Variants in CCDC47 observed in about 807,000 individuals in gnomAD.
CCDC47 encodes the protein PAT complex subunit CCDC47.
CCDC47 carries 41 observed loss-of-function variants against 60.5 expected under a neutral mutation model. The ratio of observed to expected loss-of-function variants is 0.68; its 90% CI spans 0.53 to 0.88. CCDC47 has a LOEUF of 0.88. CCDC47 is among the 40% of genes least tolerant of loss of function. The pLI is 0.00. For synonymous variants in CCDC47, 195 were observed against 190.7 expected, an observed-to-expected ratio of 1.02 and a Z score of -0.18; for missense variants, 513 against 580.9, an observed-to-expected ratio of 0.88 and a Z score of 1.20.
chr17:63,759,921 G>T (rs2039244432), intron 6 of CCDC47, among the ~76,000 whole-genome samples: 1 of 151,716 alleles, frequency 6.6e-6, no homozygotes, highest in African/African-American at 2.4e-5. Context: ...AAAATTGGCT[G>T]GGAGTGGTGG....
In CCDC47 at chr17:63,761,622, G is replaced by A. The variant is rs557886746; in HGVS notation, c.548-271C>T. ...TGAGGCAGGAGAATAGCTTGAACCC[G>A]GCAGGCGGAGGTTGCAGTGAGCTGA... On this transcript the variant is annotated intron_variant, in intron 4 of 12. Coordinates refer to ENST00000225726, the MANE Select transcript of CCDC47 (RefSeq NM_020198.3). 175 of 234,930 alleles carry A rather than the reference G, an allele frequency of 7.4e-4. 1 individual carries two copies. Among genetic ancestry groups the A allele is most frequent in the South Asian group, 4.8e-3 (54 of 11,346 alleles). 14.6% of individuals were successfully genotyped at this position (234,930 alleles called of 1,614,324 possible).
chr17:63,771,608 T>C (rs2039342254), intron 1 of CCDC47, among the ~76,000 whole-genome samples: 1 of 152,198 alleles, frequency 6.6e-6, no homozygotes, highest in African/African-American at 2.4e-5. Context: ...AACTCTGGAA[T>C]GTATATTTTC....
chr17:63,760,414 C>T (rs1168346856), intron 6 of CCDC47, among the ~76,000 whole-genome samples: 2 of 152,168 alleles, frequency 1.3e-5, no homozygotes, highest in Non-Finnish European at 2.9e-5. Flanking sequence ...CATGAAGGCC[C>T]CCTGACAGTT....
At chr17:63,764,972 T>C in intron 2 of CCDC47, 125 bp from the exon 3 acceptor site, 3 of 1,439,314 alleles carry the variant, frequency 2.1e-6, no homozygotes, top group Non-Finnish European at 2.7e-6. Context: ...AAACAGATGT[T>C]ACATGTTTTT....
chr17:63,764,335 G>T, intron 3 of CCDC47, 145 bp from the exon 4 acceptor site: 1 of 629,804 alleles, frequency 1.6e-6, no homozygotes, highest in African/African-American at 1.9e-5. Flanking sequence ...TGAAAAATAG[G>T]TCCATTTTAC....
rs910772359 is a variant in CCDC47, at chr17:63,745,876, A to G, written c.*1005T>C. On this transcript the variant is annotated 3_prime_UTR_variant, in exon 13 of 13. Coordinates refer to ENST00000225726, the MANE Select transcript of CCDC47 (RefSeq NM_020198.3). ...GCAAGAGGTGGAAAGAACTCTCAAT[A>G]GTTTAGGAAAGCTCATTTTCAAAAG... 3 of 152,222 alleles carry G rather than the reference A, an allele frequency of 2.0e-5. No individual in the cohort carries two copies. The highest frequency in any genetic ancestry group is 2.0e-4 in the Admixed American group (3 of 15,280). 9.4% of individuals were successfully genotyped at this position (152,222 alleles called of 1,614,324 possible). A position where few individuals can be genotyped will look rare whatever the true frequency, so the allele number is the denominator to read the frequency against.
At chr17:63,770,458 A>G (rs2039330056) in intron 1 of CCDC47, among the ~76,000 whole-genome samples, 1 of 152,144 alleles carries the variant, frequency 6.6e-6, no homozygotes, top group Non-Finnish European at 1.5e-5. Flanking sequence ...GTCATGATGA[A>G]ATCATTACTG....
chr17:63,768,684 G>C (rs932152933), intron 1 of CCDC47, among the ~76,000 whole-genome samples: 3 of 151,938 alleles, frequency 2.0e-5, no homozygotes, highest in African/African-American at 7.3e-5. Flanking sequence ...ACAGTGAAAC[G>C]TGCCTCAAAA....
chr17:63,766,980 C>A (rs1568251966), intron 1 of CCDC47: 2 of 975,126 alleles, frequency 2.1e-6, no homozygotes, highest in East Asian at 1.1e-4. Flanking sequence ...ACACTTAAAT[C>A]ACTATGTGCT....
intron 12 of CCDC47, chr17:63,747,358 A>G: frequency 1.0e-6 from 1 of 984,026 alleles, no homozygotes; most frequent in Non-Finnish European, 1.2e-6. Flanking sequence ...CTTCAGTTCA[A>G]TAAATTTTAA....
At chr17:63,751,122 T>C (rs961895508) in intron 12 of CCDC47, among the ~76,000 whole-genome samples, 10 of 148,860 alleles carry the variant, frequency 6.7e-5, no homozygotes, top group African/African-American at 2.5e-4. Flanking sequence ...TCAAGCAATC[T>C]GCTTGCCTTA....
intron 10 of CCDC47, 45 bp downstream of exon 10, chr17:63,752,696 A>T (rs747313257): frequency 2.5e-6 from 4 of 1,574,256 alleles, no homozygotes; most frequent in Admixed American, 1.9e-5. Flanking sequence ...CCTTAAGGTC[A>T]TCTCAGAGAA....
chr17:63,772,250 GTTTTT>G (rs34509265), intron 1 of CCDC47, among the ~76,000 whole-genome samples: 2 of 90,534 alleles, frequency 2.2e-5, no homozygotes, highest in Non-Finnish European at 4.0e-5. Context: ...TGTACCAAGG[GTTTTT>G]TTTTTTTTTT....
At chr17:63,754,967 C>G (rs1181703345) in intron 8 of CCDC47, among the ~76,000 whole-genome samples, 1 of 150,988 alleles carries the variant, frequency 6.6e-6, no homozygotes, top group Non-Finnish European at 1.5e-5. Flanking sequence ...AAAGCGTGTT[C>G]ATTGCTTTTT....
chr17:63,771,047 A>AG lies in CCDC47; in HGVS notation c.-20+2364dup, dbSNP rs2039337292. Among the ~76,000 whole-genome samples, 9 of 150,300 alleles carry AG rather than the reference A, an allele frequency of 6.0e-5. No individual in the cohort carries two copies. In the South Asian group the frequency reaches 1.9e-3, roughly 32 times the overall value. On this transcript the variant is annotated intron_variant, in intron 1 of 12. Transcript: ENST00000225726. Reference sequence around the variant, plus strand: ...AAGGAAGGAAGGAAGGAAGGAAGGAAGAAAGAAAGAAAGAAATTAAATGTT... The same window carrying AG: ...AAGGAAGGAAGGAAGGAAGGAAGGAAGGAAAGAAAGAAAGAAATTAAATGTT...
Position 63,756,522 on chromosome 17 carries a change from C to A in CCDC47, c.784G>T (p.Ala262Ser). 6.2e-7 allele frequency: 1 copy of A among 1,614,046 alleles called. No homozygotes were observed. The highest frequency in any genetic ancestry group is 2.2e-5 in the East Asian group (1 of 44,884). Residue 262 changes from alanine to serine, a missense_variant, in exon 7 of 13, where the codon GCT becomes TCT. Ala to Ser is a moderately conservative substitution (Grantham distance 99). Coordinates refer to ENST00000225726, the MANE Select transcript of CCDC47 (RefSeq NM_020198.3). The stretch of plus-strand genomic sequence containing the variant: ...ACCAAGGCTTTCCGTGTGCCAACAG[C>A]AAATACGTAGGTATCCATGTCTTCA... ...NDEDMDTYVFAVGTRKALVRL... is the reference protein window; with the variant it reads ...NDEDMDTYVFSVGTRKALVRL...
intron 12 of CCDC47, 30 bp from the exon 13 acceptor site, chr17:63,746,991 A>C: frequency 6.2e-7 from 1 of 1,610,632 alleles, no homozygotes; most frequent in Non-Finnish European, 8.5e-7. Context: ...TAAATAGAGA[A>C]AGGGAGTGGG....
chr17:63,752,823 A>G (rs779798415), intron 9 of CCDC47, 24 bp from the exon 10 acceptor site: 66 of 1,607,418 alleles, frequency 4.1e-5, no homozygotes, highest in Non-Finnish European at 5.3e-5. Context: ...AAAGGCAATT[A>G]AGAAGGAATA....
At chr17:63,754,940 T>C (rs1304030324) in intron 8 of CCDC47, among the ~76,000 whole-genome samples, 1 of 151,694 alleles carries the variant, frequency 6.6e-6, no homozygotes, top group Non-Finnish European at 1.5e-5. Context: ...TTTTATACAA[T>C]GTCCTTCATT....
Sources: allele counts gnomAD v4.1 joint callset (sites outside exome capture counted in the v4.1 genomes callset), GRCh38; gene constraint gnomAD v4.1.1; transcripts MANE v1.5; gene names NCBI Gene and HGNC (gene_info 2026-07-23, HGNC 2026-07-21).